The following SCFD2 variants were observed in gnomAD, a reference collection of about 807,000 sequenced individuals.
The protein encoded by SCFD2 is sec1 family domain-containing protein 2.
A neutral mutation model predicts 58.9 loss-of-function variants in SCFD2; 54 were observed. That is an observed-to-expected ratio of 0.92 (90% confidence interval 0.74 to 1.15). The LOEUF is 1.15. SCFD2 is among the 50% of genes most tolerant of loss of function. SCFD2 has a pLI of 0.00. For missense variants in SCFD2, 805 were observed against 836.6 expected (o/e 0.96, Z 0.47); for synonymous variants, 321 against 335.9 (o/e 0.96, Z 0.49).
At chr4:53,335,382 G>T (rs768995619) in intron 2 of SCFD2, among the ~76,000 whole-genome samples, 21 of 152,126 alleles carry the variant, frequency 1.4e-4, no homozygotes, top group Admixed American at 4.6e-4. Flanking sequence ...GATCATCAAT[G>T]TTATGGGAAG....
chr4:53,362,050 G>A (rs1734561942), intron 1 of SCFD2, among the ~76,000 whole-genome samples: 1 of 152,044 alleles, frequency 6.6e-6, no homozygotes, highest in African/African-American at 2.4e-5. Flanking sequence ...CAAGTGGGAG[G>A]AGACAGGTAA....
intron 5 of SCFD2, among the ~76,000 whole-genome samples, chr4:53,113,362 T>A (rs767319114): frequency 6.6e-6 from 1 of 152,150 alleles, no homozygotes; most frequent in African/African-American, 2.4e-5. Context: ...AATGGCCATG[T>A]GCTTGTTAGT....
Position 53,313,654 on chromosome 4 carries a change from G to A in SCFD2, c.1117C>T (p.Pro373Ser). Residue 373 changes from proline (P) to serine (S), a missense_variant, in exon 3 of 9, where the codon CCA (proline) becomes TCA (serine). Pro to Ser is a moderately conservative substitution (Grantham distance 74, BLOSUM62 -1). This residue lies in a region of SCFD2 where 633 missense variants were observed against 646.8 expected (regional missense o/e 0.98). Transcript: ENST00000401642. ...LVEAASRENL[P>S]IKMSMGRVTP... ...GGCTTACCCATACTCATCTTGATTG[G>A]CAGGTTTTCTCTGCTTGCCGCTTCC... The A allele has an allele frequency of 6.2e-7, 1 of 1,613,938 alleles. No homozygotes were observed. The highest frequency in any genetic ancestry group is 8.5e-7 in the Non-Finnish European group (1 of 1,179,882).
chr4:53,001,528 C>T (rs1053031736), intron 5 of SCFD2, among the ~76,000 whole-genome samples: 6 of 152,068 alleles, frequency 3.9e-5, no homozygotes, highest in South Asian at 2.1e-4. Flanking sequence ...TGTTGCATGG[C>T]GACAATGCTT....
intron 4 of SCFD2, among the ~76,000 whole-genome samples, chr4:53,244,207 G>T (rs1577887532): frequency 6.6e-6 from 1 of 152,172 alleles, no homozygotes; most frequent in East Asian, 1.9e-4. Context: ...AAGATATTCA[G>T]GACCTGAACT....
At chr4:53,246,352 T>C (rs1359130290) in intron 4 of SCFD2, among the ~76,000 whole-genome samples, 1 of 152,182 alleles carries the variant, frequency 6.6e-6, no homozygotes, top group African/African-American at 2.4e-5. Context: ...TATTTTAAAA[T>C]TCATATGGAA....
intron 3 of SCFD2, among the ~76,000 whole-genome samples, chr4:53,282,165 ATTCT>A (rs1304816862): frequency 1.3e-5 from 2 of 152,160 alleles, no homozygotes; most frequent in Non-Finnish European, 2.9e-5. Flanking sequence ...TATGAGGTTA[ATTCT>A]TTCTACTTGC....
At chr4:53,239,045 C>A (rs1290672021) in intron 4 of SCFD2, among the ~76,000 whole-genome samples, 2 of 151,662 alleles carry the variant, frequency 1.3e-5, no homozygotes, top group Non-Finnish European at 1.5e-5. Flanking sequence ...GCCGAGATCA[C>A]GCTACTGCAC....
intron 5 of SCFD2, among the ~76,000 whole-genome samples, chr4:53,110,222 A>T (rs1452868292): frequency 6.6e-6 from 1 of 152,172 alleles, no homozygotes; most frequent in African/African-American, 2.4e-5. Context: ...CCTTCCTTAC[A>T]CCTTACACAA....
intron 1 of SCFD2, among the ~76,000 whole-genome samples, chr4:53,360,519 G>C (rs1248720155): frequency 6.6e-6 from 1 of 152,304 alleles, no homozygotes; most frequent in Non-Finnish European, 1.5e-5. Flanking sequence ...TAAACCAGTA[G>C]ATAGGCAAAT....
At chr4:53,294,416 G>C (rs1731949705) in intron 3 of SCFD2, among the ~76,000 whole-genome samples, 1 of 152,028 alleles carries the variant, frequency 6.6e-6, no homozygotes, top group South Asian at 2.1e-4. Flanking sequence ...ATTTTTTCAT[G>C]TTCGTTGGCT....
intron 5 of SCFD2, among the ~76,000 whole-genome samples, chr4:53,033,572 C>A (rs769827984): frequency 1.8e-4 from 27 of 151,486 alleles, no homozygotes; most frequent in Non-Finnish European, 3.1e-4. Context: ...AGACCACTAG[C>A]CAGAATAATA....
intron 4 of SCFD2, among the ~76,000 whole-genome samples, chr4:53,267,442 C>T (rs927700523): frequency 8.5e-5 from 13 of 152,238 alleles, no homozygotes; most frequent in African/African-American, 1.2e-4. Flanking sequence ...TTTATACATT[C>T]GCCTATGCTA....
chr4:53,219,192 AG>A (rs1446758442), intron 4 of SCFD2, among the ~76,000 whole-genome samples: 1 of 152,162 alleles, frequency 6.6e-6, no homozygotes, highest in African/African-American at 2.4e-5. Flanking sequence ...AAGTCTGCAG[AG>A]GTTTCTGCTG....
intron 4 of SCFD2, among the ~76,000 whole-genome samples, chr4:53,169,272 G>A (rs1560367217): frequency 2.0e-5 from 3 of 152,140 alleles, no homozygotes. Flanking sequence ...GCCGAGGCAA[G>A]AGAATCTCTT....
Position 52,907,577 on chromosome 4 carries a change from T to C in SCFD2, c.1722A>G (p.Pro574=), listed in dbSNP as rs1026267412. 1 of 1,614,072 alleles carries C rather than the reference T, an allele frequency of 6.2e-7. No homozygotes were observed. Among genetic ancestry groups the C allele is most frequent in the Non-Finnish European group, 8.5e-7 (1 of 1,179,980 alleles). Residue 574 remains proline (P), a synonymous_variant, in exon 7 of 9, where the codon CCA becomes CCG. Transcript: ENST00000401642. Reference sequence around the variant, plus strand: ...TTTCCTCCACAACTTGCTTCAACAATGGCTTATAAGATGCCTGGAAAGACA... The same window carrying C: ...TTTCCTCCACAACTTGCTTCAACAACGGCTTATAAGATGCCTGGAAAGACA... ...GNHTHQASYK[P]LLKQVVEEIF...
At chr4:52,912,571 A>G (rs775754188) in intron 6 of SCFD2, among the ~76,000 whole-genome samples, 8 of 152,198 alleles carry the variant, frequency 5.3e-5, no homozygotes, top group South Asian at 2.1e-4. Flanking sequence ...GAACAACTGG[A>G]TTACATTGTG....
chr4:53,138,506 T>A (rs1446848561), intron 5 of SCFD2, among the ~76,000 whole-genome samples: 1 of 152,206 alleles, frequency 6.6e-6, no homozygotes, highest in Admixed American at 6.5e-5. Context: ...TCTTAGAACT[T>A]AGCATGACTG....
intron 4 of SCFD2, among the ~76,000 whole-genome samples, chr4:53,180,880 C>T (rs10005818): frequency 0.27 from 41,743 of 152,092 alleles, 6,318 homozygotes; most frequent in Non-Finnish European, 0.35. Flanking sequence ...AACACCTCTA[C>T]GCAAATAAAC....
Sources: allele counts gnomAD v4.1 joint callset (sites outside exome capture counted in the v4.1 genomes callset), GRCh38; gene constraint gnomAD v4.1.1; regional missense constraint gnomAD v4.1.1; transcripts MANE v1.5; gene names NCBI Gene and HGNC (gene_info 2026-07-23, HGNC 2026-07-21).